The following CACUL1 variants were observed in gnomAD, a reference collection of about 807,000 sequenced individuals.
CACUL1 encodes CDK2 associated cullin domain 1.
Under a neutral mutation model 45.2 loss-of-function variants are expected in CACUL1, and 13 were observed. The ratio of observed to expected loss-of-function variants is 0.29; its 90% confidence interval spans 0.19 to 0.46. The LOEUF (loss-of-function observed/expected upper bound fraction) is 0.46, where lower values mean the gene tolerates loss of function less well. Among genes scored for constraint, CACUL1 ranks in the 20% least tolerant of loss-of-function variants. The pLI is 1.00. For missense variants in CACUL1, 421 were observed against 471.4 expected, an observed-to-expected ratio of 0.89 and a Z score of 0.99; for synonymous variants, 197 against 174.2, an observed-to-expected ratio of 1.13 and a Z score of -1.03.
chr10:118,698,820 A>C (rs1845348947), intron 5 of CACUL1, among the ~76,000 whole-genome samples: 2 of 152,208 alleles, frequency 1.3e-5, no homozygotes, highest in Admixed American at 6.5e-5. Flanking sequence ...TTATACACCG[A>C]TAATAAATGG....
At chr10:118,702,592 T>C (rs1845393518) in intron 4 of CACUL1, among the ~76,000 whole-genome samples, 1 of 151,990 alleles carries the variant, frequency 6.6e-6, no homozygotes, top group African/African-American at 2.4e-5. Context: ...TTCTTTTTTT[T>C]TTTTTTGAGA....
In CACUL1 at chr10:118,679,035, C is replaced by CT. The variant is rs1456606572; in HGVS notation, c.*7092dup. 1 of 152,084 alleles carries CT rather than the reference C, an allele frequency of 6.6e-6. No individual in the cohort carries two copies. The highest frequency in any genetic ancestry group is 1.5e-5 in the Non-Finnish European group (1 of 68,006). 9.4% of individuals were successfully genotyped at this position (152,084 alleles called of 1,614,324 possible). ...TTTCCTTTTTGTAGTTTTCTTTTAA[C>CT]TTTTTAAATATTTTTCTCGACAGGG... On this transcript the variant is annotated 3_prime_UTR_variant, in exon 9 of 9. Coordinates refer to ENST00000369151, the MANE Select transcript of CACUL1 (RefSeq NM_153810.5).
intron 7 of CACUL1, among the ~76,000 whole-genome samples, chr10:118,687,674 C>G (rs892219384): frequency 2.6e-5 from 4 of 152,196 alleles, no homozygotes; most frequent in African/African-American, 4.8e-5. Flanking sequence ...AAAATTAATT[C>G]CAACCCATTC....
At chr10:118,737,394 G>A (rs1470490276) in intron 1 of CACUL1, among the ~76,000 whole-genome samples, 1 of 152,124 alleles carries the variant, frequency 6.6e-6, no homozygotes, top group African/African-American at 2.4e-5. Context: ...ACAACAACCA[G>A]ATGACACTGA....
chr10:118,735,016 A>G (rs958525358), intron 1 of CACUL1, among the ~76,000 whole-genome samples: 10 of 152,338 alleles, frequency 6.6e-5, no homozygotes, highest in Middle Eastern at 3.4e-3. Flanking sequence ...TTTATTGTCA[A>G]TCTCCCTCAA....
chr10:118,686,631 A>G lies in CACUL1; in HGVS notation c.1036T>C (p.Ser346Pro). Residue 346 changes from serine to proline, a missense_variant, in exon 8 of 9, where the codon TCC becomes CCC. Coordinates refer to ENST00000369151, the MANE Select transcript of CACUL1 (RefSeq NM_153810.5). ...IQNGFTRGDQ[S>P]RKRAGDELAY... ...AACTCATCCCCAGCTCTCTTCCGGG[A>G]CTGGTCACCCCTGGGGATAAGAAGA... The G allele has an allele frequency of 6.2e-7, 1 of 1,613,320 alleles. No individual in the cohort carries two copies. The highest frequency in any genetic ancestry group is 8.5e-7 in the Non-Finnish European group (1 of 1,179,230).
At chr10:118,729,240 T>C in intron 3 of CACUL1, 55 bp downstream of exon 3, 2 of 1,186,926 alleles carry the variant, frequency 1.7e-6, no homozygotes, top group South Asian at 2.5e-5. Flanking sequence ...AAAAGCTAAC[T>C]GCAACCAGTC....
chr10:118,712,829 G>C (rs1310262000), intron 3 of CACUL1, among the ~76,000 whole-genome samples: 1 of 152,208 alleles, frequency 6.6e-6, no homozygotes. Context: ...CAGAGGGGAG[G>C]AAGTACGTGC....
chr10:118,702,444 G>A (rs1462197416), intron 4 of CACUL1, among the ~76,000 whole-genome samples: 1 of 152,064 alleles, frequency 6.6e-6, no homozygotes, highest in Non-Finnish European at 1.5e-5. Flanking sequence ...ACCAACCCTG[G>A]ACACAGCCTT....
chr10:118,741,651 A>G (rs1845794234), intron 1 of CACUL1, among the ~76,000 whole-genome samples: 2 of 152,258 alleles, frequency 1.3e-5, no homozygotes, highest in Middle Eastern at 3.4e-3. Flanking sequence ...ATCTTTTAAA[A>G]TTGTATTTGT....
chr10:118,749,110 T>C (rs998274004), intron 1 of CACUL1, among the ~76,000 whole-genome samples: 1 of 152,160 alleles, frequency 6.6e-6, no homozygotes, highest in Non-Finnish European at 1.5e-5. Flanking sequence ...AACTGAGAAA[T>C]ATATAAATAA....
At chr10:118,723,390 C>T (rs557181416) in intron 3 of CACUL1, among the ~76,000 whole-genome samples, 7 of 152,060 alleles carry the variant, frequency 4.6e-5, no homozygotes, top group South Asian at 2.1e-4. Flanking sequence ...ATTATTGTCA[C>T]GAGTTTTGAT....
At chr10:118,745,097 T>C (rs1173137827) in intron 1 of CACUL1, among the ~76,000 whole-genome samples, 1 of 152,232 alleles carries the variant, frequency 6.6e-6, no homozygotes, top group Admixed American at 6.5e-5. Context: ...TATACTGCTA[T>C]TAGATTTTTA....
chr10:118,743,685 C>T (rs1404269616), intron 1 of CACUL1, among the ~76,000 whole-genome samples: 1 of 151,818 alleles, frequency 6.6e-6, no homozygotes. Flanking sequence ...GCTGAGATCG[C>T]GCCACTGCAC....
At position 118,676,998 on chromosome 10, in the gene CACUL1, A is replaced by G. The variant is rs535472102; in HGVS notation, c.*9130T>C. 3 of 152,084 alleles carry G rather than the reference A, an allele frequency of 2.0e-5. No individual in the cohort carries two copies. Among genetic ancestry groups the G allele is most frequent in the East Asian group, 3.9e-4 (2 of 5,188 alleles). The allele number at this position is 152,084 out of a possible 1,614,324, so 9.4% of individuals were successfully genotyped here. A position where few individuals can be genotyped will look rare whatever the true frequency, so the allele number is the denominator to read the frequency against. ...GAAAAAATACTACTTTCTAGTTTTT[A>G]CAACATTTTTTTCTTTTTTAGTTCA... is the stretch of plus-strand genomic sequence containing the variant. On this transcript the variant is annotated 3_prime_UTR_variant, in exon 9 of 9. Coordinates refer to ENST00000369151, the MANE Select transcript of CACUL1 (RefSeq NM_153810.5).
Position 118,681,598 on chromosome 10 carries a change from A to C in CACUL1, c.*4530T>G, listed in dbSNP as rs1189906668. ...GTTCTCAGAATTGTAAGCCATTAAC[A>C]TTTTTCTAAACAATGCAGTCCAGAG... On this transcript the variant is annotated 3_prime_UTR_variant, in exon 9 of 9. Transcript: ENST00000369151. 6.6e-6 allele frequency: 1 copy of C among 152,168 alleles called. No individual in the cohort carries two copies. The highest frequency in any genetic ancestry group is 2.4e-5 in the African/African-American group (1 of 41,432). 9.4% of individuals were successfully genotyped at this position (152,168 alleles called of 1,614,324 possible).
At chr10:118,698,702 G>T (rs1000132132) in intron 5 of CACUL1, among the ~76,000 whole-genome samples, 1 of 152,204 alleles carries the variant, frequency 6.6e-6, no homozygotes, top group Non-Finnish European at 1.5e-5. Context: ...AGCCACATCA[G>T]ACAATGCTGA....
At chr10:118,704,152 A>G (rs1212223150) in intron 4 of CACUL1, among the ~76,000 whole-genome samples, 1 of 151,682 alleles carries the variant, frequency 6.6e-6, no homozygotes, top group East Asian at 1.9e-4. Flanking sequence ...GCATTTTGGG[A>G]GGCCAAGGTG....
At chr10:118,724,049 G>A (rs1012078489) in intron 3 of CACUL1, among the ~76,000 whole-genome samples, 2 of 152,118 alleles carry the variant, frequency 1.3e-5, no homozygotes, top group Non-Finnish European at 2.9e-5. Flanking sequence ...ACAGGCATGA[G>A]CCACCACACC....
Sources: allele counts gnomAD v4.1 joint callset (sites outside exome capture counted in the v4.1 genomes callset), GRCh38; gene constraint gnomAD v4.1.1; transcripts MANE v1.5; gene names NCBI Gene and HGNC (gene_info 2026-07-23, HGNC 2026-07-21).